The following PLEKHG5 variants were observed in gnomAD, a reference collection of about 807,000 sequenced individuals.
The protein encoded by PLEKHG5 is pleckstrin homology domain-containing family G member 5.
Under a neutral mutation model 103.8 loss-of-function variants are expected in PLEKHG5, and 52 were observed. That is an observed-to-expected ratio of 0.50 (90% CI 0.40 to 0.63). PLEKHG5 has a LOEUF of 0.63. Among genes scored for constraint, PLEKHG5 ranks in the 30% least tolerant of loss-of-function variants. PLEKHG5 has a pLI of 0.00. For synonymous variants in PLEKHG5, 592 were observed against 575.5 expected, an observed-to-expected ratio of 1.03 and a Z score of -0.41; for missense variants, 1,205 against 1,347.6, an observed-to-expected ratio of 0.89 and a Z score of 1.66.
At chr1:6,484,082 C>T (rs1644965414) in intron 1 of PLEKHG5, among the ~76,000 whole-genome samples, 1 of 152,194 alleles carries the variant, frequency 6.6e-6, no homozygotes, top group African/African-American at 2.4e-5. Flanking sequence ...GTCTCTGGGA[C>T]CCTTCCAGTC....
intron 7 of PLEKHG5, 142 bp downstream of exon 7, chr1:6,473,870 GC>G: frequency 1.2e-6 from 1 of 845,310 alleles, no homozygotes; most frequent in Non-Finnish European, 1.8e-6. Flanking sequence ...TACTCTCCCA[GC>G]CAACCCCATT....
chr1:6,483,104 G>A (rs944297364), intron 1 of PLEKHG5, among the ~76,000 whole-genome samples: 1 of 152,244 alleles, frequency 6.6e-6, no homozygotes, highest in African/African-American at 2.4e-5. Flanking sequence ...GGGACAGGAG[G>A]AAATCTATCT....
intron 20 of PLEKHG5, 114 bp downstream of exon 20, chr1:6,467,706 TGGGCA>T: frequency 6.8e-7 from 1 of 1,478,418 alleles, no homozygotes; most frequent in Non-Finnish European, 9.4e-7. Flanking sequence ...GCCCAGACAC[TGGGCA>T]GGGTTCAGGC....
chr1:6,509,204 G>T (rs1638408034), intron 1 of PLEKHG5, among the ~76,000 whole-genome samples: 1 of 152,242 alleles, frequency 6.6e-6, no homozygotes, highest in South Asian at 2.1e-4. Flanking sequence ...GCTGGGAGCT[G>T]TGGCCCTGGG....
intron 1 of PLEKHG5, among the ~76,000 whole-genome samples, chr1:6,518,411 T>G (rs1570017025): frequency 6.6e-6 from 1 of 150,976 alleles, no homozygotes; most frequent in South Asian, 2.1e-4. Context: ...AACCACAAAA[T>G]GAGCCGGGCT....
In PLEKHG5 at chr1:6,468,311, C is replaced by T. The variant is rs149682441; in HGVS notation, c.2525G>A (p.Arg842Gln). The change falls in exon 20 of 21, where the codon CGG becomes CAG. Residue 842 changes from arginine to glutamine, a missense_variant. Transcript: ENST00000377728. ...AGGAACTCGTGGGGACTCTGGGGCC[C>T]GAGGCACTAGCTCTGCCATTGGGCC... Reference protein sequence around the residue: ...APGPMAELVPRAPESPRVPSP... With the variant: ...APGPMAELVPQAPESPRVPSP... 4.1e-4 allele frequency: 661 copies of T among 1,609,418 alleles called. No individual in the cohort carries two copies. The highest frequency in any genetic ancestry group is 5.2e-4 in the Non-Finnish European group (610 of 1,178,406).
At position 6,481,544 on chromosome 1, in the gene PLEKHG5, TAA is replaced by T. The variant is rs1447019080; in HGVS notation, c.-87-3888_-87-3887del. Among the ~76,000 whole-genome samples, 3 of 140,774 alleles carry T rather than the reference TAA, an allele frequency of 2.1e-5. No homozygotes were observed. In the Admixed American group the frequency reaches 2.2e-4, roughly 10 times the overall value. 92.4% of individuals were successfully genotyped at this position (140,774 alleles called of 152,430 possible). A position where few individuals can be genotyped will look rare whatever the true frequency, so the allele number is the denominator to read the frequency against. On this transcript the variant is annotated intron_variant, in intron 1 of 20. Coordinates refer to ENST00000377728, the MANE Select transcript of PLEKHG5 (RefSeq NM_020631.6). ...GTCTCAAAATAAATAAATAAATAAA[TAA>T]ATAAATAAATAAATAAATATATAAG...
intron 1 of PLEKHG5, among the ~76,000 whole-genome samples, chr1:6,504,769 C>G (rs565663149): frequency 1.7e-4 from 26 of 152,274 alleles, no homozygotes; most frequent in African/African-American, 6.3e-4. Flanking sequence ...CGGGGTTTCA[C>G]CGTGTTAGTC....
intron 1 of PLEKHG5, among the ~76,000 whole-genome samples, chr1:6,482,306 G>A (rs916126707): frequency 2.0e-5 from 3 of 152,148 alleles, no homozygotes; most frequent in South Asian, 2.1e-4. Flanking sequence ...CTGATTCAGC[G>A]CCTGACCTCC....
rs12733672 is a variant in PLEKHG5, at chr1:6,516,787, T to C, written c.-165+2658A>G. 8.2e-5 allele frequency among the ~76,000 whole-genome samples: 3 copies of C among 36,544 alleles called. No individual in the cohort carries two copies. The South Asian group carries it at 4.7e-3, about 58-fold the overall frequency. 24.0% of individuals were successfully genotyped at this position (36,544 alleles called of 152,430 possible). On this transcript the variant is annotated intron_variant, in intron 1 of 21. Coordinates refer to the PLEKHG5 transcript ENST00000377740. ...TATGTGTATATATATGTGTGTGTGT[T>C]ATATATATGTGTATATATATGTGTG...
intron 1 of PLEKHG5, chr1:6,485,557 G>T: frequency 9.3e-7 from 1 of 1,076,282 alleles, no homozygotes; most frequent in Non-Finnish European, 1.2e-6. Flanking sequence ...CCCGGGGAGG[G>T]CCGGGCCCGG....
At chr1:6,478,290 G>A (rs1436364708) in intron 1 of PLEKHG5, among the ~76,000 whole-genome samples, 2 of 152,162 alleles carry the variant, frequency 1.3e-5, no homozygotes, top group Admixed American at 6.5e-5. Flanking sequence ...TCGAGCCTCA[G>A]CCTCCCGAGT....
In PLEKHG5 at chr1:6,473,453, G is replaced by T; in HGVS notation, c.593C>A (p.Ala198Asp). The T allele has an allele frequency of 6.5e-7, 1 of 1,527,194 alleles. No homozygotes were observed. Among genetic ancestry groups the T allele is most frequent in the Non-Finnish European group, 8.8e-7 (1 of 1,138,126 alleles). The allele number at this position is 1,527,194 out of a possible 1,614,324, so 94.6% of individuals were successfully genotyped here. ...QSRRESLDIL[A>D]PGRRRKNMSE... ...CATGTTCTTGCGGCGGCGGCCAGGGGCCTGGTCAGGGAAGGGTGGTCAGGG... is the reference window on the plus strand; with the variant it reads ...CATGTTCTTGCGGCGGCGGCCAGGGTCCTGGTCAGGGAAGGGTGGTCAGGG... The change falls in exon 8 of 21, where the codon GCC becomes GAC. Residue 198 changes from alanine to aspartate, a missense_variant and splice_region_variant. Coordinates refer to ENST00000377728, the MANE Select transcript of PLEKHG5 (RefSeq NM_020631.6).
chr1:6,471,696 G>C, intron 11 of PLEKHG5, 59 bp from the exon 12 acceptor site: 1 of 1,578,170 alleles, frequency 6.3e-7, no homozygotes, highest in African/African-American at 1.3e-5. Context: ...CCCCGCCCCA[G>C]GTCCAGGTCC....
rs1569959414 is a variant in PLEKHG5, at chr1:6,490,178, C to T, written c.-88+1459G>A. Among the ~76,000 whole-genome samples, 3 of 152,326 alleles carry T rather than the reference C, an allele frequency of 2.0e-5. No homozygotes were observed. Among genetic ancestry groups the T allele is most frequent in the South Asian group, 4.1e-4 (2 of 4,832 alleles). On this transcript the variant is annotated intron_variant, in intron 1 of 20. Transcript: ENST00000377728. The surrounding 1 kb of genome is among the most constrained non-coding windows in gnomAD (Gnocchi z 8.0). ...GGATCCCCCTGCCCCGCCAATACCCCCCATACCGGGGCCAGGGTCCCATAG... is the reference window on the plus strand; with the variant it reads ...GGATCCCCCTGCCCCGCCAATACCCTCCATACCGGGGCCAGGGTCCCATAG...
At chr1:6,485,352 C>T in intron 1 of PLEKHG5, 1 of 1,430,292 alleles carries the variant, frequency 7.0e-7, no homozygotes, top group Non-Finnish European at 9.1e-7. Context: ...GGCACGACCC[C>T]CGGCCCAGGA....
At chr1:6,509,179 C>T (rs888986233) in intron 1 of PLEKHG5, among the ~76,000 whole-genome samples, 15 of 152,218 alleles carry the variant, frequency 9.9e-5, no homozygotes, top group African/African-American at 2.9e-4. Context: ...TGCCCTCACG[C>T]GGGCTGCCCC....
chr1:6,483,153 G>A (rs757773556), intron 1 of PLEKHG5, among the ~76,000 whole-genome samples: 5 of 152,190 alleles, frequency 3.3e-5, no homozygotes, highest in African/African-American at 4.8e-5. Flanking sequence ...GTGTCCCTCC[G>A]TGTCTCCATC....
Position 6,490,453 on chromosome 1 carries a change from A to G in PLEKHG5, c.-88+1184T>C. The G allele has an allele frequency of 1.0e-6, 1 of 982,928 alleles. No homozygotes were observed. The highest frequency in any genetic ancestry group is 1.2e-6 in the Non-Finnish European group (1 of 829,856). 60.9% of individuals were successfully genotyped at this position (982,928 alleles called of 1,614,324 possible). On this transcript the variant is annotated intron_variant, in intron 1 of 20. Coordinates refer to ENST00000377728, the MANE Select transcript of PLEKHG5 (RefSeq NM_020631.6). This position sits in a 1 kb window ranked among gnomAD's most constrained non-coding sequence, Gnocchi z 8.0. ...ACTTCCCCGCGACTCACCTAGGAAC[A>G]GGACCAGGGTCTCCTCCCCGGTGTC...
Sources: gnomAD v4.1 joint callset for allele counts (sites outside exome capture counted in the v4.1 genomes callset) on GRCh38, gnomAD v4.1.1 for gene constraint, Gnocchi (gnomAD v3.1) non-coding constraint, MANE v1.5 for transcripts, NCBI Gene and HGNC (gene_info 2026-07-23, HGNC 2026-07-21) for gene names.